CHD3: variants seen among roughly 807,000 people sequenced by gnomAD.
CHD3 encodes chromodomain helicase DNA binding protein 3.
A neutral mutation model predicts 248.9 loss-of-function variants in CHD3; 52 were observed. That is an observed-to-expected ratio of 0.21 (90% CI 0.17 to 0.26). The LOEUF is 0.26. Ranked by LOEUF, CHD3 falls within the 10% of genes least tolerant of loss-of-function variation. The pLI is 1.00. For missense variants in CHD3, 1,482 were observed against 2,605.8 expected, an observed-to-expected ratio of 0.57 and a Z score of 9.39; for synonymous variants, 985 against 985.2, an observed-to-expected ratio of 1.00 and a Z score of 0.00.
In CHD3 at chr17:7,900,147, G is replaced by A; in HGVS notation, c.2682+114G>A. ...TTCTGTAGTCTGGGAGGACGTCCAGGTTGGAAGAGGGAGAGGGCCAGAGAT... is the reference window on the plus strand; with the variant it reads ...TTCTGTAGTCTGGGAGGACGTCCAGATTGGAAGAGGGAGAGGGCCAGAGAT... On this transcript the variant is annotated intron_variant, in intron 16 of 39. Coordinates refer to ENST00000330494, the MANE Select transcript of CHD3 (RefSeq NM_001005273.3). The surrounding 1 kb of genome is among the most constrained non-coding windows in gnomAD (Gnocchi z 6.5). 2 of 1,527,872 alleles carry A rather than the reference G, an allele frequency of 1.3e-6. No individual in the cohort carries two copies. Among genetic ancestry groups the A allele is most frequent in the East Asian group, 2.3e-5 (1 of 44,108 alleles). The allele number at this position is 1,527,872 out of a possible 1,614,324, so 94.6% of individuals were successfully genotyped here.
rs977121802 is a variant in CHD3, at chr17:7,897,789, C to T, written c.1920-182C>T. On this transcript the variant is annotated intron_variant, in intron 11 of 39. Transcript: ENST00000330494. The surrounding 1 kb of genome is among the most constrained non-coding windows in gnomAD (Gnocchi z 4.8). The stretch of plus-strand genomic sequence containing the variant: ...TTGTGATAGCTGATTTTTAGGATAC[C>T]ATCCTGAGAAGGTTAGGCTGCTAGG... 3.9e-5 allele frequency among the ~76,000 whole-genome samples: 6 copies of T among 152,292 alleles called. No individual in the cohort carries two copies. The East Asian group carries it at 9.6e-4, about 24-fold the overall frequency.
chr17:7,896,804 G>A (rs976176456), intron 10 of CHD3, among the ~76,000 whole-genome samples: 12 of 151,100 alleles, frequency 7.9e-5, no homozygotes, highest in East Asian at 3.9e-4. Flanking sequence ...GATTACAGGC[G>A]TGCGCCACCA....
chr17:7,902,728 G>T lies in CHD3; in HGVS notation c.3370+1G>T. On this transcript the variant is annotated splice_donor_variant, in intron 21 of 39. Coordinates refer to ENST00000330494, the MANE Select transcript of CHD3 (RefSeq NM_001005273.3). LOFTEE classifies it high-confidence loss of function. ...CAGGAGGCCATCGATCGGTTTAATGGTGAGGGAGATACACTGGTCCCTGGT... is the reference window on the plus strand; with the variant it reads ...CAGGAGGCCATCGATCGGTTTAATGTTGAGGGAGATACACTGGTCCCTGGT... 6.2e-7 allele frequency: 1 copy of T among 1,612,974 alleles called. No individual in the cohort carries two copies. The highest frequency in any genetic ancestry group is 1.1e-5 in the South Asian group (1 of 91,046).
chr17:7,907,626 G>A lies in CHD3; in HGVS notation c.4950G>A (p.Arg1650=), dbSNP rs375492899. The stretch of plus-strand genomic sequence containing the variant: ...CCACAGAGTCGACGCCAGGAGAAAG[G>A]GGGGAGGAGAAGCCGTTGGATGGAC... The part of the protein sequence containing the change: ...KSATESTPGE[R]GEEKPLDGQE... Residue 1650 remains arginine (R), a synonymous_variant, in exon 33 of 40, where the codon AGG becomes AGA. Coordinates refer to ENST00000330494, the MANE Select transcript of CHD3 (RefSeq NM_001005273.3). The surrounding 1 kb of genome is among the most constrained non-coding windows in gnomAD (Gnocchi z 4.3). 1.6e-5 allele frequency: 24 copies of A among 1,523,862 alleles called. No homozygotes were observed. In the Middle Eastern group the frequency reaches 8.7e-4, roughly 55 times the overall value. 94.4% of individuals were successfully genotyped at this position (1,523,862 alleles called of 1,614,324 possible).
At chr17:7,898,252 G>A in intron 12 of CHD3, 150 bp downstream of exon 12, 1 of 943,718 alleles carries the variant, frequency 1.1e-6, no homozygotes, top group Non-Finnish European at 1.6e-6. Flanking sequence ...AGATAGGCTT[G>A]CTAAAGAGGT....
At position 7,907,315 on chromosome 17, in the gene CHD3, G is replaced by A; in HGVS notation, c.4789-38G>A. ...GGGCTTGGAGGCCAGGTACCTGGGAGCCCTCTGGCTCATCCTGACCCCATT... is the reference window on the plus strand; with the variant it reads ...GGGCTTGGAGGCCAGGTACCTGGGAACCCTCTGGCTCATCCTGACCCCATT... On this transcript the variant is annotated intron_variant, in intron 31 of 39. Transcript: ENST00000330494. The surrounding 1 kb of genome is among the most constrained non-coding windows in gnomAD (Gnocchi z 4.3). 1 of 1,611,916 alleles carries A rather than the reference G, an allele frequency of 6.2e-7. No individual in the cohort carries two copies. The highest frequency in any genetic ancestry group is 8.5e-7 in the Non-Finnish European group (1 of 1,178,814).
rs538886081 is a variant in CHD3 at position 7,910,319 on chromosome 17, G to A, written c.5591-109G>A. On this transcript the variant is annotated intron_variant, in intron 37 of 39. Transcript: ENST00000330494. The surrounding 1 kb of genome is among the most constrained non-coding windows in gnomAD (Gnocchi z 4.7). ...TTTGACATCTGTGTTCTCCTCTCTC[G>A]CTCTTTTTCTGCCTGTATCTGTCCA... is the stretch of plus-strand genomic sequence containing the variant. 3.4e-5 allele frequency: 45 copies of A among 1,331,164 alleles called. No homozygotes were observed. The East Asian group carries it at 6.7e-4, about 20-fold the overall frequency. 82.5% of individuals were successfully genotyped at this position (1,331,164 alleles called of 1,614,324 possible). A position where few individuals can be genotyped will look rare whatever the true frequency, so the allele number is the denominator to read the frequency against.
chr17:7,905,767 A>G lies in CHD3; in HGVS notation c.4224+61A>G. The G allele has an allele frequency of 6.2e-7, 1 of 1,613,418 alleles. No individual in the cohort carries two copies. On this transcript the variant is annotated intron_variant, in intron 27 of 39. Coordinates refer to ENST00000330494, the MANE Select transcript of CHD3 (RefSeq NM_001005273.3). This position sits in a 1 kb window ranked among gnomAD's most constrained non-coding sequence, Gnocchi z 5.8. ...GAGGGCATGAGGGCAGGAGGTTGGA[A>G]GTTGGTGCCTGGATCACTGAAGGTA...
In CHD3 at chr17:7,905,137, G is replaced by A. The variant is rs899440042; in HGVS notation, c.4110G>A (p.Glu1370=). ...QSEYSVGSEE[E]DEDFDERPEG... is the part of the protein sequence containing the mutation. ...AGTACTCGGTGGGTTCAGAGGAGGA[G>A]GATGAAGACTTCGATGAACGTCCTG... Residue 1370 remains glutamate (E), a synonymous_variant, in exon 26 of 40, where the codon GAG becomes GAA. Coordinates refer to ENST00000330494, the MANE Select transcript of CHD3 (RefSeq NM_001005273.3). This position sits in a 1 kb window ranked among gnomAD's most constrained non-coding sequence, Gnocchi z 5.8. 1.9e-6 allele frequency: 3 copies of A among 1,614,150 alleles called. No homozygotes were observed. Among genetic ancestry groups the A allele is most frequent in the Non-Finnish European group, 2.5e-6 (3 of 1,180,026 alleles).
chr17:7,906,628 C>T lies in CHD3; in HGVS notation c.4434C>T (p.Val1478=). The T allele has an allele frequency of 6.2e-7, 1 of 1,613,720 alleles. No individual in the cohort carries two copies. Among genetic ancestry groups the T allele is most frequent in the Non-Finnish European group, 8.5e-7 (1 of 1,179,860 alleles). The change falls in exon 29 of 40, where the codon GTC becomes GTT. Residue 1478 remains valine, a synonymous_variant. Coordinates refer to ENST00000330494, the MANE Select transcript of CHD3 (RefSeq NM_001005273.3). The surrounding 1 kb of genome is among the most constrained non-coding windows in gnomAD (Gnocchi z 5.0). ...ADGSETFADG[V]PREGLSRQQV... is the part of the protein sequence containing the mutation. The stretch of plus-strand genomic sequence containing the variant: ...GCTCTGAAACCTTTGCCGATGGGGT[C>T]CCTCGGGAGGGACTGAGTCGCCAGC...
rs563092571 is a variant in CHD3 at position 7,889,891 on chromosome 17, G to A, written c.213+115G>A. 95 of 1,043,378 alleles carry A rather than the reference G, an allele frequency of 9.1e-5. No individual in the cohort carries two copies. The Middle Eastern group carries it at 4.4e-3, about 49-fold the overall frequency. The allele number at this position is 1,043,378 out of a possible 1,614,324, so 64.6% of individuals were successfully genotyped here. On this transcript the variant is annotated intron_variant, in intron 2 of 39. Transcript: ENST00000330494. This position sits in a 1 kb window ranked among gnomAD's most constrained non-coding sequence, Gnocchi z 4.5. ...GGGGGTGGGGTTCTGAAGCCAGGGA[G>A]GCTTGATCCCCCGGGCCCCCCACTT...
At position 7,901,381 on chromosome 17, in the gene CHD3, C is replaced by T; in HGVS notation, c.3252+6C>T. ...GAGTGCTCATCTTCTCGCAGGTGAC[C>T]TGTGCCCTTAGCTGTCTTTACATCT... On this transcript the variant is annotated splice_donor_region_variant and intron_variant, in intron 20 of 39. Transcript: ENST00000330494. The T allele has an allele frequency of 1.3e-6, 2 of 1,595,732 alleles. No homozygotes were observed. The highest frequency in any genetic ancestry group is 1.7e-6 in the Non-Finnish European group (2 of 1,168,882).
Position 7,907,928 on chromosome 17 carries a change from G to A in CHD3, c.5061G>A (p.Gly1687=), listed in dbSNP as rs527486001. The A allele has an allele frequency of 5.6e-6, 9 of 1,612,818 alleles. No homozygotes were observed. Among genetic ancestry groups the A allele is most frequent in the Non-Finnish European group, 7.6e-6 (9 of 1,179,146 alleles). ...AAGGTGACCGGGAGCTTCGACCAGG[G>A]CCTCGAGATGAGCCACGGTCCAATG... ...DVKGDRELRP[G]PRDEPRSNGR... is the part of the protein sequence containing the mutation. Residue 1687 remains glycine (G), a synonymous_variant, in exon 34 of 40, where the codon GGG becomes GGA. Transcript: ENST00000330494. The surrounding 1 kb of genome is among the most constrained non-coding windows in gnomAD (Gnocchi z 4.3).
In CHD3 at chr17:7,911,282, T is replaced by C. The variant is rs1439795704; in HGVS notation, c.5882-182T>C. Reference sequence around the variant, plus strand: ...CGAGGGGTTAGAGAGTGGGAACATGTGTTCAATCATGTAGCACAAAGTGGA... The same window carrying C: ...CGAGGGGTTAGAGAGTGGGAACATGCGTTCAATCATGTAGCACAAAGTGGA... On this transcript the variant is annotated intron_variant, in intron 39 of 39. Coordinates refer to ENST00000330494, the MANE Select transcript of CHD3 (RefSeq NM_001005273.3). The surrounding 1 kb of genome is among the most constrained non-coding windows in gnomAD (Gnocchi z 5.4). Among the ~76,000 whole-genome samples the C allele has an allele frequency of 1.3e-5, 2 of 152,230 alleles. No homozygotes were observed. Among genetic ancestry groups the C allele is most frequent in the Non-Finnish European group, 2.9e-5 (2 of 68,044 alleles).
chr17:7,886,452 G>T (rs1347033243), upstream of CHD3, among the ~76,000 whole-genome samples: 5 of 152,176 alleles, frequency 3.3e-5, no homozygotes, highest in Non-Finnish European at 7.4e-5. This position sits in a 1 kb window ranked among gnomAD's most constrained non-coding sequence, Gnocchi z 4.2. Context: ...CCAACTCCGG[G>T]CTCTTTGTAA....
At chr17:7,901,039 A>AACATGGGTGGGGAG (rs781499738) in intron 19 of CHD3, 46 bp downstream of exon 19, 1 of 1,596,826 alleles carries the variant, frequency 6.3e-7, no homozygotes, top group Admixed American at 1.7e-5. Context: ...ATTCTCAGAA[A>AACATGGGTGGGGAG]ACATGGGTGG....
rs2151618902 is a variant in CHD3 at position 7,904,844 on chromosome 17, C to CA, written c.4072+226dup. On this transcript the variant is annotated intron_variant, in intron 25 of 39. Coordinates refer to ENST00000330494, the MANE Select transcript of CHD3 (RefSeq NM_001005273.3). This position sits in a 1 kb window ranked among gnomAD's most constrained non-coding sequence, Gnocchi z 4.4. ...GTTGCACAGGCATCCTGTGGACACC[C>CA]AGGGCCATTGCTTAGAGTAGGTTTT... Among the ~76,000 whole-genome samples the CA allele has an allele frequency of 6.6e-6, 1 of 152,232 alleles. No individual in the cohort carries two copies. Among genetic ancestry groups the CA allele is most frequent in the Admixed American group, 6.5e-5 (1 of 15,302 alleles).
chr17:7,884,852 G>A (rs1386095631), upstream of CHD3: 1 of 1,143,056 alleles, frequency 8.7e-7, no homozygotes, highest in Non-Finnish European at 1.2e-6. Flanking sequence ...GGAGGAGATG[G>A]TGGTGTCGGA....
At chr17:7,902,807 T>G in intron 21 of CHD3, 80 bp downstream of exon 21, 2 of 1,583,492 alleles carry the variant, frequency 1.3e-6, no homozygotes, top group South Asian at 2.3e-5. Flanking sequence ...GGAGGGGGAC[T>G]GGCTTGGGGG....
Sources: gnomAD v4.1 joint callset for allele counts (sites outside exome capture counted in the v4.1 genomes callset) on GRCh38, gnomAD v4.1.1 for gene constraint, Gnocchi (gnomAD v3.1) non-coding constraint, MANE v1.5 for transcripts, NCBI Gene and HGNC (gene_info 2026-07-23, HGNC 2026-07-21) for gene names.